Variants in TCERG1L observed in about 807,000 individuals in gnomAD.
TCERG1L encodes the protein transcription elongation regulator 1-like protein.
In TCERG1L, 37 loss-of-function variants were observed where a neutral mutation model predicts 56.3. That is an observed-to-expected ratio of 0.66 (90% CI 0.51 to 0.87). The LOEUF is 0.87. Ranked by LOEUF, TCERG1L falls within the 40% of genes least tolerant of loss-of-function variation. The pLI is 0.00. For synonymous variants in TCERG1L, 324 were observed against 326.3 expected (o/e 0.99, Z 0.08); for missense variants, 799 against 774.2 (o/e 1.03, Z -0.38).
At chr10:131,112,129 G>T (rs1444209839) in intron 9 of TCERG1L, among the ~76,000 whole-genome samples, 1 of 143,076 alleles carries the variant, frequency 7.0e-6, no homozygotes, top group African/African-American at 2.5e-5. Context: ...CCGGCCACAC[G>T]GCACTCCCAG....
At chr10:131,162,685 G>A (rs2133430683) in intron 6 of TCERG1L, 1 of 156,482 alleles carries the variant, frequency 6.4e-6, no homozygotes, top group East Asian at 1.9e-4. Context: ...GCTCCCTCGT[G>A]GAGGGTGTCT....
intron 3 of TCERG1L, among the ~76,000 whole-genome samples, chr10:131,284,125 CA>C (rs10534180): frequency 0.15 from 17,060 of 115,998 alleles, 1,025 homozygotes; most frequent in South Asian, 0.25. Flanking sequence ...GACCACATCT[CA>C]AAAAAAAAAA....
intron 8 of TCERG1L, 52 bp from the exon 9 acceptor site, chr10:131,116,986 T>A: frequency 6.4e-7 from 1 of 1,561,896 alleles, no homozygotes. Flanking sequence ...ACCCAGCTGG[T>A]TTTTATTGCA....
At chr10:131,114,538 T>C (rs1288628537) in intron 9 of TCERG1L, among the ~76,000 whole-genome samples, 1 of 152,138 alleles carries the variant, frequency 6.6e-6, no homozygotes, top group Non-Finnish European at 1.5e-5. Context: ...ATGATTTTGC[T>C]GATTCCTGTA....
intron 6 of TCERG1L, among the ~76,000 whole-genome samples, chr10:131,154,075 T>TAATATGC (rs1230652450): frequency 1.3e-5 from 2 of 152,200 alleles, no homozygotes; most frequent in African/African-American, 4.8e-5. Flanking sequence ...CCATTCTAAG[T>TAATATGC]AATATGCATG....
At chr10:131,285,672 T>C (rs1206218299) in intron 3 of TCERG1L, among the ~76,000 whole-genome samples, 2 of 152,126 alleles carry the variant, frequency 1.3e-5, no homozygotes, top group Non-Finnish European at 2.9e-5. Flanking sequence ...ATTGTGTATA[T>C]GAAAAGGGCA....
intron 3 of TCERG1L, among the ~76,000 whole-genome samples, chr10:131,304,955 C>A (rs1456058501): frequency 6.6e-6 from 1 of 152,140 alleles, no homozygotes; most frequent in Non-Finnish European, 1.5e-5. Flanking sequence ...TCTCCTCCAG[C>A]AGCCCACACT....
intron 4 of TCERG1L, among the ~76,000 whole-genome samples, chr10:131,169,333 TC>T (rs1405351990): frequency 1.3e-5 from 2 of 151,854 alleles, no homozygotes. Context: ...TCCCTCTGCC[TC>T]CATCCTGCAG....
intron 4 of TCERG1L, among the ~76,000 whole-genome samples, chr10:131,170,381 A>G (rs1421882834): frequency 6.6e-6 from 1 of 152,108 alleles, no homozygotes; most frequent in Non-Finnish European, 1.5e-5. Flanking sequence ...AGGAAAATCA[A>G]CAAGTGTAAG....
At chr10:131,145,941 T>C (rs543567068) in intron 7 of TCERG1L, among the ~76,000 whole-genome samples, 7 of 152,338 alleles carry the variant, frequency 4.6e-5, no homozygotes, top group African/African-American at 1.7e-4. Context: ...AAAGTTCCTC[T>C]CTGTTTCTTG....
At position 131,283,888 on chromosome 10, in the gene TCERG1L, G is replaced by A. The variant is rs185742053; in HGVS notation, c.671-23444C>T. Among the ~76,000 whole-genome samples the A allele has an allele frequency of 4.8e-3, 727 of 152,102 alleles. 6 individuals are homozygous for A. The highest frequency in any genetic ancestry group is 0.017 in the African/African-American group (692 of 41,480). On this transcript the variant is annotated intron_variant, in intron 3 of 11. Coordinates refer to ENST00000368642, the MANE Select transcript of TCERG1L (RefSeq NM_174937.4). ...AGTGGCTCCCATCACTTTGTGAGGC[G>A]GAGGCAGGCAGATCACTTGAGGTCA...
intron 4 of TCERG1L, among the ~76,000 whole-genome samples, chr10:131,257,449 T>C (rs1056113045): frequency 2.0e-5 from 3 of 152,348 alleles, no homozygotes; most frequent in African/African-American, 7.2e-5. Flanking sequence ...GGCACCGAAT[T>C]CAGCACAATC....
At chr10:131,286,781 T>C (rs1846548344) in intron 3 of TCERG1L, among the ~76,000 whole-genome samples, 1 of 152,230 alleles carries the variant, frequency 6.6e-6, no homozygotes, top group Non-Finnish European at 1.5e-5. Context: ...TTGAATTATC[T>C]ATAAACTATA....
At chr10:131,280,790 T>A (rs1452940465) in intron 3 of TCERG1L, among the ~76,000 whole-genome samples, 2 of 152,110 alleles carry the variant, frequency 1.3e-5, no homozygotes, top group East Asian at 3.9e-4. Context: ...GTCTCAGAGA[T>A]GCACCCGACA....
At chr10:131,231,074 AG>A (rs1337695058) in intron 4 of TCERG1L, among the ~76,000 whole-genome samples, 1 of 150,808 alleles carries the variant, frequency 6.6e-6, no homozygotes, top group Non-Finnish European at 1.5e-5. Context: ...GAGGACCTGG[AG>A]GGGGGCAGTG....
chr10:131,276,823 T>C (rs959207832), intron 3 of TCERG1L, among the ~76,000 whole-genome samples: 1 of 152,132 alleles, frequency 6.6e-6, no homozygotes, highest in African/African-American at 2.4e-5. Context: ...GGATCGCGGA[T>C]AAATGTGTCC....
intron 6 of TCERG1L, chr10:131,161,879 C>T (rs1305085171): frequency 6.6e-6 from 1 of 152,336 alleles, no homozygotes; most frequent in Non-Finnish European, 1.5e-5. Flanking sequence ...GAAGCTCAGT[C>T]AGGTCCACAC....
Position 131,098,382 on chromosome 10 carries a change from T to C in TCERG1L, c.1528A>G (p.Lys510Glu). The C allele has an allele frequency of 6.4e-7, 1 of 1,551,268 alleles. No individual in the cohort carries two copies. ...AGCAGCAATTTACTTTTCTTTTCCT[T>C]GTATTCTTCTTTTATTCTTGTCTTG... is the stretch of plus-strand genomic sequence containing the variant. ...FVKTRIKEEY[K>E]EKKSKLLLAK... The change falls in exon 11 of 12, where the codon AAG becomes GAG. Residue 510 changes from lysine to glutamate, a missense_variant. By Grantham distance (56) the Lys-to-Glu change is moderately conservative (BLOSUM62 1). Transcript: ENST00000368642.
intron 6 of TCERG1L, chr10:131,161,359 G>T (rs1313476408): frequency 6.6e-6 from 1 of 152,284 alleles, no homozygotes; most frequent in African/African-American, 2.4e-5. Context: ...ATAAAAGGAT[G>T]TCGGATGCCA....
Sources: gnomAD v4.1 joint callset for allele counts (sites outside exome capture counted in the v4.1 genomes callset) on GRCh38, gnomAD v4.1.1 for gene constraint, MANE v1.5 for transcripts, NCBI Gene and HGNC (gene_info 2026-07-23, HGNC 2026-07-21) for gene names.